Variants in CLPB observed in about 807,000 individuals in gnomAD.
The protein encoded by CLPB is ClpB family mitochondrial disaggregase, also known as mitochondrial disaggregase.
In CLPB, 40 loss-of-function variants were observed where a neutral mutation model predicts 78.4. The observed-to-expected ratio is 0.51, with a 90% CI of 0.40 to 0.66. The LOEUF (loss-of-function observed/expected upper bound fraction) is 0.66, where lower values mean the gene tolerates loss of function less well. Ranked by LOEUF, CLPB falls within the 30% of genes least tolerant of loss-of-function variation. The probability of loss-of-function intolerance (pLI) is 0.00; values close to 1 mark genes in which losing one functional copy is unlikely to be tolerated. For synonymous variants in CLPB, 333 were observed against 348.0 expected, an observed-to-expected ratio of 0.96 and a Z score of 0.48; for missense variants, 780 against 886.9, an observed-to-expected ratio of 0.88 and a Z score of 1.53.
In CLPB at chr11:72,293,442, G is replaced by C. The variant is rs200471243; in HGVS notation, c.1959C>G (p.Ile653Met). 1.9e-6 allele frequency: 3 copies of C among 1,614,040 alleles called. No homozygotes were observed. The highest frequency in any genetic ancestry group is 2.5e-6 in the Non-Finnish European group (3 of 1,180,036). ...KRLPKLRLEI[I>M]DKDSKTRRLD... Reference sequence around the variant, plus strand: ...GTCTGCGAGTCTTGCTGTCCTTGTCGATGATCTCCAGACGCAGCTTGGGGA... The same window carrying C: ...GTCTGCGAGTCTTGCTGTCCTTGTCCATGATCTCCAGACGCAGCTTGGGGA... The change falls in exon 16 of 16, where the codon ATC becomes ATG. Residue 653 changes from isoleucine to methionine, a missense_variant. Ile to Met is a conservative substitution (Grantham distance 10). This residue lies in a region of CLPB where 272 missense variants were observed against 304.0 expected (regional missense o/e 0.89). Transcript: ENST00000538039.
chr11:72,432,084 C>G (rs1326329258), intron 1 of CLPB, among the ~76,000 whole-genome samples: 1 of 152,194 alleles, frequency 6.6e-6, no homozygotes, highest in Non-Finnish European at 1.5e-5. Context: ...TACCCCACCC[C>G]TGACTGGCAT....
intron 4 of CLPB, chr11:72,373,149 G>A (rs1346318957): frequency 1.2e-5 from 8 of 647,198 alleles, no homozygotes; most frequent in Non-Finnish European, 2.2e-5. Context: ...TGCCAACCCA[G>A]CTTCTGCCCC....
chr11:72,380,867 G>A (rs1227906086), intron 3 of CLPB, among the ~76,000 whole-genome samples: 1 of 152,176 alleles, frequency 6.6e-6, no homozygotes, highest in Non-Finnish European at 1.5e-5. Flanking sequence ...GCTAGGGCCA[G>A]TCTGCTGAGA....
rs961171267 is a variant in CLPB, at chr11:72,286,364, T to A, written c.*7003A>T. ...TCCACCTCAGCCTCGAGTAGCTGGG[T>A]ATACAGGCATGCACTACCATGCCTG... On this transcript the variant is annotated 3_prime_UTR_variant, in exon 16 of 16. Coordinates refer to ENST00000538039, the MANE Select transcript of CLPB (RefSeq NM_001258392.3). The A allele has an allele frequency of 6.6e-6, 1 of 151,660 alleles. No homozygotes were observed. The highest frequency in any genetic ancestry group is 1.5e-5 in the Non-Finnish European group (1 of 67,942). 9.4% of individuals were successfully genotyped at this position (151,660 alleles called of 1,614,324 possible).
chr11:72,345,071 G>A (rs985453763), intron 5 of CLPB, among the ~76,000 whole-genome samples: 2 of 152,122 alleles, frequency 1.3e-5, no homozygotes, highest in African/African-American at 2.4e-5. Flanking sequence ...CCTCTCATAC[G>A]ATGCTAATGG....
At chr11:72,327,035 C>A (rs553304072) in intron 6 of CLPB, among the ~76,000 whole-genome samples, 1 of 152,342 alleles carries the variant, frequency 6.6e-6, no homozygotes, top group Non-Finnish European at 1.5e-5. Flanking sequence ...AAAGTCCAGA[C>A]TGGATGAAGG....
At chr11:72,338,658 C>G (rs987580079) in intron 5 of CLPB, among the ~76,000 whole-genome samples, 1 of 152,248 alleles carries the variant, frequency 6.6e-6, no homozygotes, top group Non-Finnish European at 1.5e-5. Flanking sequence ...CAGATCACTT[C>G]TTCCTTTGAA....
intron 4 of CLPB, among the ~76,000 whole-genome samples, chr11:72,367,325 G>A (rs1025112889): frequency 6.6e-6 from 1 of 152,130 alleles, no homozygotes; most frequent in Non-Finnish European, 1.5e-5. Context: ...CACCACACCA[G>A]GGTAATTTTT....
chr11:72,359,261 G>A, intron 4 of CLPB: 1 of 632,188 alleles, frequency 1.6e-6, no homozygotes, highest in Non-Finnish European at 2.9e-6. Flanking sequence ...GATCAGATAA[G>A]GTCCCTGACC....
chr11:72,308,282 T>C (rs1949780745), intron 8 of CLPB, among the ~76,000 whole-genome samples: 1 of 152,178 alleles, frequency 6.6e-6, no homozygotes, highest in Non-Finnish European at 1.5e-5. Context: ...TGGTCCTCCA[T>C]GTGAATCAGT....
chr11:72,344,091 G>C (rs532273983), intron 5 of CLPB, among the ~76,000 whole-genome samples: 1 of 152,274 alleles, frequency 6.6e-6, no homozygotes, highest in East Asian at 1.9e-4. Flanking sequence ...AAGTTGTGCT[G>C]AGAGGTAGGG....
intron 11 of CLPB, among the ~76,000 whole-genome samples, chr11:72,297,637 GT>G (rs1234130786): frequency 1.9e-3 from 15 of 8,032 alleles, no homozygotes; most frequent in Middle Eastern, 0.062. Context: ...TGGGGACCAG[GT>G]GTGTGTGTGT....
chr11:72,434,081 A>T lies in CLPB; in HGVS notation c.394T>A (p.Ser132Thr). Residue 132 changes from serine to threonine, a missense_variant, in exon 1 of 16, where the codon TCC (serine) becomes ACC (threonine). Coordinates refer to ENST00000538039, the MANE Select transcript of CLPB (RefSeq NM_001258392.3). ...CAGATCTCATAATCACCCTTGTTGG[A>T]CGGACTCTTGCTGTAGCAATGAACC... is the stretch of plus-strand genomic sequence containing the variant. ...LVVHCYSKSP[S>T]NKDAALLEAA... 1 of 1,610,480 alleles carries T rather than the reference A, an allele frequency of 6.2e-7. No homozygotes were observed. The highest frequency in any genetic ancestry group is 8.5e-7 in the Non-Finnish European group (1 of 1,179,930).
At position 72,434,500 on chromosome 11, in the gene CLPB, T is replaced by A. The variant is rs201491171; in HGVS notation, c.-26A>T. ...CTTGACAGCTGCTTCGATAACCCCG[T>A]GGTGCCGGCCCCTGTGCTGACCACG... is the stretch of plus-strand genomic sequence containing the variant. On this transcript the variant is annotated 5_prime_UTR_variant, in exon 1 of 16. Coordinates refer to ENST00000538039, the MANE Select transcript of CLPB (RefSeq NM_001258392.3). 195 of 1,521,376 alleles carry A rather than the reference T, an allele frequency of 1.3e-4. 1 individual carries two copies. Among genetic ancestry groups the A allele is most frequent in the Admixed American group, 5.4e-4 (25 of 46,166 alleles). 94.2% of individuals were successfully genotyped at this position (1,521,376 alleles called of 1,614,324 possible).
intron 3 of CLPB, among the ~76,000 whole-genome samples, chr11:72,396,581 CT>C (rs1234717397): frequency 6.6e-6 from 1 of 152,208 alleles, no homozygotes; most frequent in Non-Finnish European, 1.5e-5. Context: ...CAACTTTCTC[CT>C]TGCTGGAATG....
intron 4 of CLPB, among the ~76,000 whole-genome samples, chr11:72,371,015 A>G (rs1951031463): frequency 6.6e-6 from 1 of 151,976 alleles, no homozygotes; most frequent in Admixed American, 6.6e-5. Context: ...TCACCCTAAC[A>G]TGTTCGTCTA....
rs1949377631 is a variant in CLPB, at chr11:72,285,577, A to G, written c.*7790T>C. On this transcript the variant is annotated 3_prime_UTR_variant, in exon 16 of 16. Coordinates refer to ENST00000538039, the MANE Select transcript of CLPB (RefSeq NM_001258392.3). ...TTAGTATTAAATCATCCTTTCTAAA[A>G]CTTGATGTTTTTTCACTTGTCAGGT... 6.6e-6 allele frequency: 1 copy of G among 152,220 alleles called. No individual in the cohort carries two copies. Among genetic ancestry groups the G allele is most frequent in the African/African-American group, 2.4e-5 (1 of 41,460 alleles). 9.4% of individuals were successfully genotyped at this position (152,220 alleles called of 1,614,324 possible). A position where few individuals can be genotyped will look rare whatever the true frequency, so the allele number is the denominator to read the frequency against.
intron 5 of CLPB, among the ~76,000 whole-genome samples, chr11:72,334,876 G>A (rs368943625): frequency 1.3e-5 from 2 of 152,374 alleles, no homozygotes; most frequent in South Asian, 4.1e-4. Flanking sequence ...AGATTAGTGT[G>A]TCCCAGCTTA....
At chr11:72,376,934 T>C (rs1005751262) in intron 4 of CLPB, among the ~76,000 whole-genome samples, 1 of 152,204 alleles carries the variant, frequency 6.6e-6, no homozygotes, top group Non-Finnish European at 1.5e-5. Context: ...CCTCCCAATG[T>C]GCTGGGACTA....
Sources: gnomAD v4.1 joint callset for allele counts (sites outside exome capture counted in the v4.1 genomes callset) on GRCh38, gnomAD v4.1.1 for gene constraint, gnomAD v4.1.1 regional missense constraint, MANE v1.5 for transcripts, NCBI Gene and HGNC (gene_info 2026-07-23, HGNC 2026-07-21) for gene names.